The following TCF12 variants were observed in gnomAD, a reference collection of about 807,000 sequenced individuals.
TCF12 encodes transcription factor 12, also known as DNA-binding protein HTF4.
Under a neutral mutation model 86.0 loss-of-function variants are expected in TCF12, and 45 were observed. That is an observed-to-expected ratio of 0.52 (90% CI 0.41 to 0.67). The LOEUF (loss-of-function observed/expected upper bound fraction) is 0.67, where lower values mean the gene tolerates loss of function less well. Among genes scored for constraint, TCF12 ranks in the 30% least tolerant of loss-of-function variants. The pLI, the probability that TCF12 is intolerant of heterozygous loss-of-function variation, is 0.00. For missense variants in TCF12, 881 were observed against 859.9 expected (o/e 1.02, Z -0.31); for synonymous variants, 330 against 299.6 (o/e 1.10, Z -1.05).
intron 3 of TCF12, among the ~76,000 whole-genome samples, chr15:57,007,883 T>TTCCTTCCC (rs2064543479): frequency 7.9e-6 from 1 of 125,830 alleles, no homozygotes; most frequent in Non-Finnish European, 1.7e-5. Context: ...CCTTCCTTCC[T>TTCCTTCCC]TCCTTCCTTC....
chr15:57,086,212 G>GATAATAATAATAATAATAATAATAATA (rs60173159), intron 4 of TCF12, among the ~76,000 whole-genome samples: 1 of 141,622 alleles, frequency 7.1e-6, no homozygotes, highest in East Asian at 2.0e-4. Context: ...GGATGATGAT[G>GATAATAATAATAATAATAATAATAATA]ATAATAATAA....
At chr15:57,255,565 T>C (rs1597676325) in intron 16 of TCF12, among the ~76,000 whole-genome samples, 1 of 151,990 alleles carries the variant, frequency 6.6e-6, no homozygotes, top group Admixed American at 6.6e-5. Context: ...CTCACTGCAA[T>C]CTCTGCCTCC....
intron 19 of TCF12, among the ~76,000 whole-genome samples, chr15:57,280,720 G>T (rs1291675314): frequency 3.9e-5 from 6 of 152,118 alleles, no homozygotes; most frequent in Admixed American, 3.3e-4. Flanking sequence ...AATGGTTGGG[G>T]GTGGGGTGGG....
rs1230021024 is a variant in TCF12, at chr15:56,918,737, G to A, written c.-192G>A. 1 of 166,662 alleles carries A rather than the reference G, an allele frequency of 6.0e-6. No homozygotes were observed. The highest frequency in any genetic ancestry group is 1.3e-5 in the Non-Finnish European group (1 of 76,596). 10.3% of individuals were successfully genotyped at this position (166,662 alleles called of 1,614,324 possible). A position where few individuals can be genotyped will look rare whatever the true frequency, so the allele number is the denominator to read the frequency against. ...TTCGGGGGGACCGACAGCCCGCCCC[G>A]GGAGGAAGGGGCGGCCAGGCCCGAA... is the stretch of plus-strand genomic sequence containing the variant. On this transcript the variant is annotated 5_prime_UTR_variant, in exon 1 of 21. Coordinates refer to ENST00000333725, the MANE Select transcript of TCF12 (RefSeq NM_207037.2).
chr15:57,126,198 G>A (rs998822799), intron 5 of TCF12, among the ~76,000 whole-genome samples: 23 of 152,116 alleles, frequency 1.5e-4, no homozygotes, highest in African/African-American at 4.1e-4. Flanking sequence ...CTAAGATTGC[G>A]CCACTACATT....
At chr15:57,247,904 C>G in intron 13 of TCF12, 1 of 762,844 alleles carries the variant, frequency 1.3e-6, no homozygotes, top group Non-Finnish European at 2.4e-6. Flanking sequence ...AAACTATCAT[C>G]TGTAGTTTCA....
At chr15:57,149,742 T>A (rs2151448076) in intron 5 of TCF12, among the ~76,000 whole-genome samples, 1 of 152,310 alleles carries the variant, frequency 6.6e-6, no homozygotes, top group Middle Eastern at 3.4e-3. Context: ...ACTTTTCAGG[T>A]TATCTTCTAC....
intron 6 of TCF12, among the ~76,000 whole-genome samples, chr15:57,191,804 C>T (rs578197551): frequency 1.3e-5 from 2 of 151,826 alleles, no homozygotes; most frequent in South Asian, 2.1e-4. Context: ...CATGGTGGTG[C>T]GCGCCTGTAA....
At chr15:57,049,923 A>C (rs982197045) in intron 3 of TCF12, among the ~76,000 whole-genome samples, 1 of 151,974 alleles carries the variant, frequency 6.6e-6, no homozygotes, top group Non-Finnish European at 1.5e-5. Context: ...GCCCTTTCTG[A>C]CTTATTAATC....
rs2059610146 is a variant in TCF12 at position 56,918,709 on chromosome 15, C to T, written c.-220C>T. Reference sequence around the variant, plus strand: ...GTCCGCCTGAAGAGACCCACAAGTTCTATTCGGGGGGACCGACAGCCCGCC... The same window carrying T: ...GTCCGCCTGAAGAGACCCACAAGTTTTATTCGGGGGGACCGACAGCCCGCC... On this transcript the variant is annotated 5_prime_UTR_variant, in exon 1 of 21. Transcript: ENST00000333725. The T allele has an allele frequency of 1.2e-5, 2 of 171,444 alleles. No homozygotes were observed. The highest frequency in any genetic ancestry group is 2.4e-5 in the African/African-American group (1 of 41,658). The allele number at this position is 171,444 out of a possible 1,614,324, so 10.6% of individuals were successfully genotyped here.
At chr15:56,986,815 A>G (rs773847280) in intron 3 of TCF12, among the ~76,000 whole-genome samples, 2 of 152,218 alleles carry the variant, frequency 1.3e-5, no homozygotes, top group African/African-American at 2.4e-5. Context: ...TTGTTAACCT[A>G]TAAAATAGGT....
intron 5 of TCF12, among the ~76,000 whole-genome samples, chr15:57,149,611 A>G (rs980870610): frequency 7.2e-5 from 11 of 152,218 alleles, no homozygotes; most frequent in Non-Finnish European, 1.5e-4. Context: ...AGTTTAACAA[A>G]GTTTTTAGAT....
intron 4 of TCF12, among the ~76,000 whole-genome samples, chr15:57,090,354 A>G (rs181873660): frequency 1.9e-3 from 292 of 152,328 alleles, no homozygotes; most frequent in African/African-American, 6.7e-3. Flanking sequence ...GTTACCAGAG[A>G]ACACTTGTGG....
At chr15:57,012,849 G>A (rs2064915466) in intron 3 of TCF12, among the ~76,000 whole-genome samples, 1 of 152,006 alleles carries the variant, frequency 6.6e-6, no homozygotes, top group South Asian at 2.1e-4. Flanking sequence ...AATCTGGTTT[G>A]GTTTCTTTGC....
At chr15:57,021,158 C>A (rs566290295) in intron 3 of TCF12, among the ~76,000 whole-genome samples, 24 of 152,248 alleles carry the variant, frequency 1.6e-4, no homozygotes, top group African/African-American at 5.5e-4. Context: ...AGAAGTTTAA[C>A]TTTTCAGATA....
rs150292031 is a variant in TCF12, at chr15:57,182,855, C to T, written c.391-9303C>T. Among the ~76,000 whole-genome samples the T allele has an allele frequency of 4.2e-4, 64 of 152,214 alleles. 1 individual carries two copies. The East Asian group carries it at 0.011, about 27-fold the overall frequency. On this transcript the variant is annotated intron_variant, in intron 6 of 20. Transcript: ENST00000333725. ...GCCAATATGTGTTCTATAGTCATCT[C>T]AGCCTTAGGATTGTAATCCACAAAT... is the stretch of plus-strand genomic sequence containing the variant.
chr15:57,165,236 G>T (rs543812148), intron 5 of TCF12, among the ~76,000 whole-genome samples: 1 of 151,774 alleles, frequency 6.6e-6, no homozygotes, highest in African/African-American at 2.4e-5. Flanking sequence ...CTATCTTTCC[G>T]TAGGGAAATA....
chr15:57,159,540 G>A (rs1014056668), intron 5 of TCF12, among the ~76,000 whole-genome samples: 5 of 152,162 alleles, frequency 3.3e-5, no homozygotes, highest in African/African-American at 2.4e-5. Flanking sequence ...ATTTAGATTT[G>A]CCTATGTAAG....
At chr15:57,235,557 C>T (rs1393036333) in intron 12 of TCF12, among the ~76,000 whole-genome samples, 3 of 152,274 alleles carry the variant, frequency 2.0e-5, no homozygotes, top group Admixed American at 6.5e-5. Context: ...AATTGTCTCA[C>T]CCTTTTTTCG....
Sources: allele counts gnomAD v4.1 joint callset (sites outside exome capture counted in the v4.1 genomes callset), GRCh38; gene constraint gnomAD v4.1.1; transcripts MANE v1.5; gene names NCBI Gene and HGNC (gene_info 2026-07-23, HGNC 2026-07-21).